The following BMP5 variants were observed in gnomAD, a reference collection of about 807,000 sequenced individuals.
The protein encoded by BMP5 is bone morphogenetic protein 5.
A neutral mutation model predicts 46.6 loss-of-function variants in BMP5; 23 were observed. The observed-to-expected ratio is 0.49, with a 90% CI of 0.35 to 0.70. BMP5 has a LOEUF of 0.70. BMP5 is among the 30% of genes least tolerant of loss of function. BMP5 has a pLI of 0.00. For synonymous variants in BMP5, 204 were observed against 191.9 expected (o/e 1.06, Z -0.52); for missense variants, 545 against 565.6 (o/e 0.96, Z 0.37).
chr6:55,823,421 C>G (rs2127539812), intron 1 of BMP5, among the ~76,000 whole-genome samples: 1 of 152,176 alleles, frequency 6.6e-6, no homozygotes, highest in East Asian at 1.9e-4. Context: ...CACTCAGCAA[C>G]TCCTGCTGCA....
At chr6:55,846,507 C>T (rs1028248596) in intron 1 of BMP5, among the ~76,000 whole-genome samples, 2 of 151,952 alleles carry the variant, frequency 1.3e-5, no homozygotes, top group Non-Finnish European at 2.9e-5. Flanking sequence ...AATAGTCTCT[C>T]ATTTTCTCAA....
At chr6:55,775,030 CA>C (rs1562031805) in intron 3 of BMP5, among the ~76,000 whole-genome samples, 1 of 151,826 alleles carries the variant, frequency 6.6e-6, no homozygotes, top group South Asian at 2.1e-4. Flanking sequence ...GAAGAATAAA[CA>C]ATCCAAGTGA....
chr6:55,815,830 G>A (rs1029074243), intron 2 of BMP5, among the ~76,000 whole-genome samples: 61 of 152,124 alleles, frequency 4.0e-4, no homozygotes, highest in Middle Eastern at 3.4e-3. Flanking sequence ...AGACTATAAA[G>A]TATTAATAGA....
At chr6:55,759,155 AAAAAAAAAAAAAAAAAAAAAAAAAAAAAC>A (rs1774694563) in intron 5 of BMP5, 40 bp from the exon 6 acceptor site, 1 of 647,628 alleles carries the variant, frequency 1.5e-6, no homozygotes, top group South Asian at 1.9e-5. Flanking sequence ...AAAAAAAAAA[AAAAAAAAAAAAAAAAAAAAAAAAAAAAAC>A]AACAAGAAAA....
chr6:55,798,492 T>C (rs1393428434), intron 2 of BMP5, among the ~76,000 whole-genome samples: 1 of 152,130 alleles, frequency 6.6e-6, no homozygotes, highest in Non-Finnish European at 1.5e-5. Context: ...AAAATTTGCA[T>C]TTTCTTTTTC....
intron 4 of BMP5, among the ~76,000 whole-genome samples, chr6:55,761,619 A>C (rs929524278): frequency 5.9e-5 from 9 of 152,052 alleles, no homozygotes; most frequent in Non-Finnish European, 2.9e-5. Context: ...GGATAGCTAC[A>C]TGGCTAATTC....
At chr6:55,842,359 A>G (rs1024814918) in intron 1 of BMP5, among the ~76,000 whole-genome samples, 2 of 152,150 alleles carry the variant, frequency 1.3e-5, no homozygotes, top group Non-Finnish European at 2.9e-5. Flanking sequence ...AAGAATGTCC[A>G]TGTTTACATG....
At chr6:55,829,464 T>A (rs1350319871) in intron 1 of BMP5, among the ~76,000 whole-genome samples, 2 of 151,760 alleles carry the variant, frequency 1.3e-5, no homozygotes, top group African/African-American at 2.4e-5. Flanking sequence ...GCCCTGCTCA[T>A]GCCACAAAAT....
chr6:55,814,038 G>GA (rs1776198808), intron 2 of BMP5, among the ~76,000 whole-genome samples: 2 of 152,006 alleles, frequency 1.3e-5, no homozygotes, highest in Admixed American at 6.6e-5. Context: ...TAAAGAGTTT[G>GA]ACTATTTATC....
intron 1 of BMP5, among the ~76,000 whole-genome samples, chr6:55,867,174 C>A (rs1213459674): frequency 6.6e-6 from 1 of 152,150 alleles, no homozygotes; most frequent in African/African-American, 2.4e-5. Flanking sequence ...AAGACCAAAG[C>A]ATATGGTCTG....
In BMP5 at chr6:55,866,455, C is replaced by T. The variant is rs902440774; in HGVS notation, c.490+7921G>A. Among the ~76,000 whole-genome samples the T allele has an allele frequency of 7.2e-5, 11 of 152,262 alleles. 1 individual carries two copies. In the South Asian group the frequency reaches 1.2e-3, roughly 17 times the overall value. The stretch of plus-strand genomic sequence containing the variant: ...TGCCTGCAACATTAACTATGGAATG[C>T]GAATGCTGCATGTGAGAATATCATA... On this transcript the variant is annotated intron_variant, in intron 1 of 6. Coordinates refer to ENST00000370830, the MANE Select transcript of BMP5 (RefSeq NM_021073.4).
chr6:55,851,842 T>C (rs1777251398), intron 1 of BMP5, among the ~76,000 whole-genome samples: 1 of 152,194 alleles, frequency 6.6e-6, no homozygotes, highest in African/African-American at 2.4e-5. Context: ...AAAAGATTCC[T>C]TAAAAGGTAT....
intron 4 of BMP5, among the ~76,000 whole-genome samples, chr6:55,760,819 C>A (rs958608794): frequency 6.6e-6 from 1 of 151,840 alleles, no homozygotes; most frequent in Non-Finnish European, 1.5e-5. Flanking sequence ...TGGTGTCTGT[C>A]GTTCATTGAG....
chr6:55,832,635 T>G lies in BMP5; in HGVS notation c.491-12788A>C, dbSNP rs16887220. On this transcript the variant is annotated intron_variant, in intron 1 of 6. Transcript: ENST00000370830. ...AGAAAAATTAACTTATCCAAGTTCA[T>G]AAGTATAGTAATCTGTGGAGCATGC... is the stretch of plus-strand genomic sequence containing the variant. Among the ~76,000 whole-genome samples, 273 of 152,294 alleles carry G rather than the reference T, an allele frequency of 1.8e-3. 6 individuals are homozygous for G. Among genetic ancestry groups the G allele is most frequent in the Admixed American group, 0.011 (174 of 15,274 alleles).
intron 1 of BMP5, among the ~76,000 whole-genome samples, chr6:55,856,024 C>A (rs534647921): frequency 6.6e-6 from 1 of 152,238 alleles, no homozygotes; most frequent in South Asian, 2.1e-4. Context: ...ATTACCTGTT[C>A]ATGGCTCTTT....
At chr6:55,786,186 C>A (rs2127525969) in intron 3 of BMP5, among the ~76,000 whole-genome samples, 1 of 151,776 alleles carries the variant, frequency 6.6e-6, no homozygotes, top group Middle Eastern at 3.4e-3. Flanking sequence ...TTAATACCAG[C>A]CTCCTCTAAG....
chr6:55,813,826 A>G (rs912351859), intron 2 of BMP5, among the ~76,000 whole-genome samples: 91 of 150,964 alleles, frequency 6.0e-4, no homozygotes, highest in African/African-American at 2.0e-3. Flanking sequence ...TCTCTGTGCT[A>G]TTTTTCCAAA....
chr6:55,756,134 A>T (rs1004710746), intron 6 of BMP5, among the ~76,000 whole-genome samples: 17 of 152,022 alleles, frequency 1.1e-4, no homozygotes, highest in Non-Finnish European at 2.5e-4. Context: ...GCAATAAATC[A>T]TACATTTTAA....
At position 55,756,990 on chromosome 6, in the gene BMP5, A is replaced by G. The variant is rs1379095982; in HGVS notation, c.1216-1308T>C. Among the ~76,000 whole-genome samples, 19 of 151,764 alleles carry G rather than the reference A, an allele frequency of 1.3e-4. 1 individual carries two copies. The highest frequency in any genetic ancestry group is 1.0e-3 in the South Asian group (5 of 4,820). On this transcript the variant is annotated intron_variant, in intron 6 of 6. Transcript: ENST00000370830. ...ACATAAAGCGTGCACAACACCAGGG[A>G]AAAAAAATCAAACTTCACGTGTATG... is the stretch of plus-strand genomic sequence containing the variant.
Sources: allele counts gnomAD v4.1 joint callset (sites outside exome capture counted in the v4.1 genomes callset), GRCh38; gene constraint gnomAD v4.1.1; transcripts MANE v1.5; gene names NCBI Gene and HGNC (gene_info 2026-07-23, HGNC 2026-07-21).